Variants in TIPRL observed in about 807,000 individuals in gnomAD.
TIPRL encodes the protein TIP41-like protein.
Under a neutral mutation model 32.3 loss-of-function variants are expected in TIPRL, and 10 were observed. The observed-to-expected ratio is 0.31, with a 90% CI of 0.19 to 0.52. The LOEUF is 0.52. Ranked by LOEUF, TIPRL falls within the 20% of genes least tolerant of loss-of-function variation. The pLI is 0.96. For missense variants in TIPRL, 250 were observed against 328.1 expected (o/e 0.76, Z 1.84); for synonymous variants, 100 against 114.0 (o/e 0.88, Z 0.78).
chr1:168,190,208 T>A (rs1700077548), intron 3 of TIPRL, among the ~76,000 whole-genome samples: 1 of 152,148 alleles, frequency 6.6e-6, no homozygotes. Context: ...TCCCTTCCCC[T>A]CCCAGTTTTC....
At chr1:168,191,532 T>C in intron 4 of TIPRL, 32 bp downstream of exon 4, 1 of 1,408,376 alleles carries the variant, frequency 7.1e-7, no homozygotes, top group Non-Finnish European at 9.3e-7. Flanking sequence ...AATTAATATT[T>C]TTCTTGCATT....
chr1:168,190,764 T>C (rs1016338412), intron 3 of TIPRL, among the ~76,000 whole-genome samples: 4 of 152,230 alleles, frequency 2.6e-5, no homozygotes, highest in African/African-American at 9.6e-5. Flanking sequence ...TTTGTTGGAT[T>C]ACGTGTGTGC....
chr1:168,179,950 C>T (rs1699939980), intron 1 of TIPRL, among the ~76,000 whole-genome samples: 2 of 151,918 alleles, frequency 1.3e-5, no homozygotes, highest in Non-Finnish European at 1.5e-5. Context: ...GCGTGAGGTA[C>T]CATAGGGGGT....
chr1:168,191,860 A>G (rs1304783036), intron 4 of TIPRL, among the ~76,000 whole-genome samples: 15 of 142,892 alleles, frequency 1.0e-4, no homozygotes, highest in African/African-American at 2.7e-4. Flanking sequence ...CGACAGAGCA[A>G]AAAAAAAAAA....
rs570176888 is a variant in TIPRL, at chr1:168,183,731, A to G, written c.105-171A>G. On this transcript the variant is annotated intron_variant, in intron 1 of 6. Transcript: ENST00000367833. ...CTTAGTACAGTGCCATATGATGATG[A>G]AAGAATGGATGATGAAAGCATTTTA... 2.0e-5 allele frequency among the ~76,000 whole-genome samples: 3 copies of G among 152,286 alleles called. No individual in the cohort carries two copies. The East Asian group carries it at 5.8e-4, about 29-fold the overall frequency.
intron 4 of TIPRL, among the ~76,000 whole-genome samples, chr1:168,191,858 C>CAAAAAAAAAAAAAAAAAAA: frequency 2.6e-5 from 1 of 38,900 alleles, no homozygotes; most frequent in Non-Finnish European, 5.6e-5. Flanking sequence ...GGCGACAGAG[C>CAAAAAAAAAAAAAAAAAAA]AAAAAAAAAA....
intron 1 of TIPRL, among the ~76,000 whole-genome samples, chr1:168,180,608 C>T (rs1265519362): frequency 6.6e-6 from 1 of 151,958 alleles, no homozygotes; most frequent in Non-Finnish European, 1.5e-5. Flanking sequence ...AAGATTTGAG[C>T]AGAGGGAGTG....
At chr1:168,192,897 C>CAAACAAACA (rs1262794712) in intron 4 of TIPRL, among the ~76,000 whole-genome samples, 1 of 151,776 alleles carries the variant, frequency 6.6e-6, no homozygotes, top group African/African-American at 2.4e-5. Context: ...AACAAACAAA[C>CAAACAAACA]AAACAAACAA....
intron 4 of TIPRL, chr1:168,192,216 C>T (rs1217278634): frequency 2.0e-5 from 29 of 1,483,306 alleles, no homozygotes; most frequent in Middle Eastern, 1.8e-4. Flanking sequence ...AGCCTGGTGG[C>T]GGGCACCTGT....
chr1:168,186,074 C>CAAAA (rs56699636), intron 3 of TIPRL, among the ~76,000 whole-genome samples: 23 of 56,028 alleles, frequency 4.1e-4, no homozygotes, highest in Non-Finnish European at 6.1e-4. Flanking sequence ...GACTCCGTCT[C>CAAAA]AAAAAAAAAA....
rs1464649787 is a variant in TIPRL at position 168,183,771 on chromosome 1, A to AT, written c.105-130dup. On this transcript the variant is annotated intron_variant, in intron 1 of 6. Transcript: ENST00000367833. Reference sequence around the variant, plus strand: ...AAAGCATTTTATAGACCTTGCAAATATATCATATTGATTAAATCATGTGCT... The same window carrying AT: ...AAAGCATTTTATAGACCTTGCAAATATTATCATATTGATTAAATCATGTGCT... 3.2e-6 allele frequency: 3 copies of AT among 929,302 alleles called. No individual in the cohort carries two copies. In the African/African-American group the frequency reaches 5.0e-5, roughly 15 times the overall value. The allele number at this position is 929,302 out of a possible 1,614,324, so 57.6% of individuals were successfully genotyped here.
intron 5 of TIPRL, among the ~76,000 whole-genome samples, chr1:168,198,112 G>C (rs1276489498): frequency 6.6e-6 from 1 of 152,070 alleles, no homozygotes; most frequent in Non-Finnish European, 1.5e-5. Context: ...AATTTTGAAA[G>C]ATATTCATTT....
intron 4 of TIPRL, among the ~76,000 whole-genome samples, chr1:168,191,735 G>GCA (rs1396243690): frequency 1.3e-5 from 2 of 151,886 alleles, no homozygotes; most frequent in African/African-American, 4.8e-5. Context: ...AGCTGGGCAT[G>GCA]GTGGCGGGCG....
intron 3 of TIPRL, among the ~76,000 whole-genome samples, chr1:168,189,338 T>C (rs1162188814): frequency 2.6e-5 from 4 of 152,326 alleles, no homozygotes; most frequent in African/African-American, 9.6e-5. Context: ...CTGCCAATAC[T>C]GTTCCATATG....
At chr1:168,197,933 C>T (rs1212187741) in intron 5 of TIPRL, among the ~76,000 whole-genome samples, 2 of 152,000 alleles carry the variant, frequency 1.3e-5, no homozygotes, top group Non-Finnish European at 2.9e-5. Context: ...TGGGCAATTA[C>T]TCAGAGTTAT....
intron 3 of TIPRL, among the ~76,000 whole-genome samples, chr1:168,190,757 G>A (rs1048519113): frequency 1.2e-4 from 19 of 152,198 alleles, no homozygotes; most frequent in Admixed American, 1.1e-3. Context: ...TGATGCTTTT[G>A]TTGGATTACG....
At chr1:168,182,701 A>G (rs1229740861) in intron 1 of TIPRL, among the ~76,000 whole-genome samples, 1 of 152,246 alleles carries the variant, frequency 6.6e-6, no homozygotes, top group African/African-American at 2.4e-5. Flanking sequence ...TAAATTAGTA[A>G]CAGTGATTCT....
rs946022276 is a variant in TIPRL at position 168,195,727 on chromosome 1, C to T, written c.517-820C>T. Among the ~76,000 whole-genome samples, 9 of 152,188 alleles carry T rather than the reference C, an allele frequency of 5.9e-5. No homozygotes were observed. The East Asian group carries it at 1.2e-3, about 20-fold the overall frequency. On this transcript the variant is annotated intron_variant, in intron 4 of 6. Coordinates refer to ENST00000367833, the MANE Select transcript of TIPRL (RefSeq NM_152902.5). ...AGCTAGGACTACAGGCTTGTGCCACCGTGCTTTGCTAATTTTTTGTATTTT... is the reference window on the plus strand; with the variant it reads ...AGCTAGGACTACAGGCTTGTGCCACTGTGCTTTGCTAATTTTTTGTATTTT...
chr1:168,194,337 G>T (rs1700129385), intron 4 of TIPRL, among the ~76,000 whole-genome samples: 1 of 152,092 alleles, frequency 6.6e-6, no homozygotes, highest in African/African-American at 2.4e-5. Flanking sequence ...TTATTGATGT[G>T]ACAAGAAAAA....
Sources: gnomAD v4.1 joint callset for allele counts (sites outside exome capture counted in the v4.1 genomes callset) on GRCh38, gnomAD v4.1.1 for gene constraint, MANE v1.5 for transcripts, NCBI Gene and HGNC (gene_info 2026-07-23, HGNC 2026-07-21) for gene names.